APCDD1: variants seen among roughly 807,000 people sequenced by gnomAD.
The protein encoded by APCDD1 is protein APCDD1.
APCDD1 carries 15 observed loss-of-function variants against 38.1 expected under a neutral mutation model. The observed-to-expected ratio is 0.39, with a 90% CI of 0.26 to 0.61. The LOEUF (loss-of-function observed/expected upper bound fraction) is 0.61. APCDD1 is among the 20% of genes least tolerant of loss of function. APCDD1 has a pLI of 0.49. For missense variants in APCDD1, 647 were observed against 696.2 expected, an observed-to-expected ratio of 0.93 and a Z score of 0.79; for synonymous variants, 261 against 279.7, an observed-to-expected ratio of 0.93 and a Z score of 0.67.
rs2143547395 is a variant in APCDD1, at chr18:10,476,893, GT to G, written c.774+4837del. 1 of 152,382 alleles carries G rather than the reference GT, an allele frequency of 6.6e-6. No homozygotes were observed. Among genetic ancestry groups the G allele is most frequent in the African/African-American group, 2.4e-5 (1 of 41,586 alleles). The allele number at this position is 152,382 out of a possible 1,614,324, so 9.4% of individuals were successfully genotyped here. On this transcript the variant is annotated intron_variant, in intron 3 of 4. Transcript: ENST00000355285. This position sits in a 1 kb window ranked among gnomAD's most constrained non-coding sequence, Gnocchi z 5.8. Reference sequence around the variant, plus strand: ...AGCCGCTAGGCTGGAGCCAGCATATGTTTTTGAGGTAGCTTGCCTCTCAGAG... The same window carrying G: ...AGCCGCTAGGCTGGAGCCAGCATATGTTTTGAGGTAGCTTGCCTCTCAGAG...
At chr18:10,483,095 G>A (rs1319634971) in intron 3 of APCDD1, among the ~76,000 whole-genome samples, 2 of 152,200 alleles carry the variant, frequency 1.3e-5, no homozygotes, top group African/African-American at 2.4e-5. Context: ...GTAAAAATGA[G>A]GAAGTTGAAA....
Position 10,454,843 on chromosome 18 carries a change from A to C in APCDD1, c.-139A>C. On this transcript the variant is annotated 5_prime_UTR_variant, in exon 1 of 5. An upstream start codon of the reference 5' UTR is lost. Transcript: ENST00000355285. ...CAGCCCCGCGCCTAGCCCGCCGGGC[A>C]TGGGGCGCGCGGCAGCCGCCTGAAG... 4.8e-6 allele frequency: 5 copies of C among 1,038,176 alleles called. No individual in the cohort carries two copies. The highest frequency in any genetic ancestry group is 5.8e-6 in the Non-Finnish European group (5 of 865,560). 64.3% of individuals were successfully genotyped at this position (1,038,176 alleles called of 1,614,324 possible).
chr18:10,454,664 G>A lies in APCDD1; in HGVS notation c.-318G>A. On this transcript the variant is annotated 5_prime_UTR_variant, in exon 1 of 5. Transcript: ENST00000355285. ...AGACGCTGCAGCTGCGGTGGCGGTGGCGGCCACTGCAGCTCAGAGCGGCGC... is the reference window on the plus strand; with the variant it reads ...AGACGCTGCAGCTGCGGTGGCGGTGACGGCCACTGCAGCTCAGAGCGGCGC... 1 of 1,030,042 alleles carries A rather than the reference G, an allele frequency of 9.7e-7. No individual in the cohort carries two copies. Among genetic ancestry groups the A allele is most frequent in the Non-Finnish European group, 1.2e-6 (1 of 860,746 alleles). 63.8% of individuals were successfully genotyped at this position (1,030,042 alleles called of 1,614,324 possible). A position where few individuals can be genotyped will look rare whatever the true frequency, so the allele number is the denominator to read the frequency against.
chr18:10,477,298 C>T (rs943237497), intron 3 of APCDD1: 5 of 152,172 alleles, frequency 3.3e-5, no homozygotes, highest in Non-Finnish European at 7.3e-5. Context: ...TCCCTGGAGC[C>T]AGGTGTTTCC....
chr18:10,463,138 C>T (rs1228318576), intron 1 of APCDD1, among the ~76,000 whole-genome samples: 1 of 151,936 alleles, frequency 6.6e-6, no homozygotes, highest in Admixed American at 6.5e-5. Flanking sequence ...ATCTCTCACT[C>T]CTGCCCCCCA....
intron 3 of APCDD1, among the ~76,000 whole-genome samples, chr18:10,481,399 AC>A (rs1403234740): frequency 1.3e-5 from 2 of 152,204 alleles, no homozygotes; most frequent in Non-Finnish European, 2.9e-5. Flanking sequence ...CATCGATAAA[AC>A]TTGAGGAGCT....
intron 3 of APCDD1, among the ~76,000 whole-genome samples, chr18:10,482,790 C>A (rs1776349940): frequency 6.6e-6 from 1 of 152,138 alleles, no homozygotes; most frequent in African/African-American, 2.4e-5. Flanking sequence ...TACTAACTTT[C>A]CATCCTGTGT....
chr18:10,474,790 TC>T (rs1331450996), intron 3 of APCDD1, among the ~76,000 whole-genome samples: 1 of 152,166 alleles, frequency 6.6e-6, no homozygotes, highest in East Asian at 1.9e-4. Flanking sequence ...CCCGTCAATG[TC>T]CCTCTGCAGA....
In APCDD1 at chr18:10,481,853, C is replaced by T. The variant is rs146137291; in HGVS notation, c.775-3609C>T. 1.9e-3 allele frequency among the ~76,000 whole-genome samples: 293 copies of T among 152,174 alleles called. 1 individual carries two copies. The highest frequency in any genetic ancestry group is 0.015 in the East Asian group (78 of 5,170). ...AAAAAACAAACAAAAACACAAAAACCGTGCCTGGCCTGCTTTTCTCTGCTA... is the reference window on the plus strand; with the variant it reads ...AAAAAACAAACAAAAACACAAAAACTGTGCCTGGCCTGCTTTTCTCTGCTA... On this transcript the variant is annotated intron_variant, in intron 3 of 4. Coordinates refer to ENST00000355285, the MANE Select transcript of APCDD1 (RefSeq NM_153000.5).
In APCDD1 at chr18:10,488,266, A is replaced by C. The variant is rs1456283789; in HGVS notation, c.*228A>C. On this transcript the variant is annotated 3_prime_UTR_variant, in exon 5 of 5. Coordinates refer to ENST00000355285, the MANE Select transcript of APCDD1 (RefSeq NM_153000.5). ...TGATCCCTGGCCTGAGCAACTTCAC[A>C]ACAGTAATTGCACTTTAAGACAGCC... 1.7e-6 allele frequency: 1 copy of C among 597,590 alleles called. No homozygotes were observed. The highest frequency in any genetic ancestry group is 2.9e-6 in the Non-Finnish European group (1 of 340,884). 37.0% of individuals were successfully genotyped at this position (597,590 alleles called of 1,614,324 possible). A position where few individuals can be genotyped will look rare whatever the true frequency, so the allele number is the denominator to read the frequency against.
chr18:10,478,739 G>C (rs2031065737), intron 3 of APCDD1, among the ~76,000 whole-genome samples: 2 of 152,204 alleles, frequency 1.3e-5, no homozygotes, highest in African/African-American at 4.8e-5. Context: ...CATTCAGTGT[G>C]TTGGATAGAC....
chr18:10,458,374 T>C (rs2143505625), intron 1 of APCDD1, among the ~76,000 whole-genome samples: 1 of 152,370 alleles, frequency 6.6e-6, no homozygotes, highest in Admixed American at 6.5e-5. Flanking sequence ...ACCGACATAA[T>C]GTGAGGAAAC....
chr18:10,458,283 G>C (rs930353301), intron 1 of APCDD1, among the ~76,000 whole-genome samples: 7 of 152,166 alleles, frequency 4.6e-5, no homozygotes, highest in Non-Finnish European at 7.3e-5. Context: ...AGAGGTGAAG[G>C]CTCTTTCAGC....
Position 10,469,370 on chromosome 18 carries a change from T to C in APCDD1, c.242+718T>C, listed in dbSNP as rs1185360065. 2.0e-5 allele frequency among the ~76,000 whole-genome samples: 3 copies of C among 152,146 alleles called. No homozygotes were observed. Among genetic ancestry groups the C allele is most frequent in the Non-Finnish European group, 2.9e-5 (2 of 68,030 alleles). On this transcript the variant is annotated intron_variant, in intron 2 of 4. Coordinates refer to ENST00000355285, the MANE Select transcript of APCDD1 (RefSeq NM_153000.5). The surrounding 1 kb of genome is among the most constrained non-coding windows in gnomAD (Gnocchi z 5.5). ...AATATGGAGAAGAGAAAAAAAGAAA[T>C]TGTATAAGATGATGAAGACCCAGAA...
chr18:10,465,107 A>G (rs1157344781), intron 1 of APCDD1, among the ~76,000 whole-genome samples: 2 of 152,194 alleles, frequency 1.3e-5, no homozygotes, highest in African/African-American at 2.4e-5. Context: ...GTTTAAGGTC[A>G]CTGCGCTAAT....
chr18:10,481,003 C>A lies in APCDD1; in HGVS notation c.775-4459C>A, dbSNP rs562261754. Among the ~76,000 whole-genome samples, 5 of 152,048 alleles carry A rather than the reference C, an allele frequency of 3.3e-5. No individual in the cohort carries two copies. The South Asian group carries it at 1.0e-3, about 32-fold the overall frequency. The stretch of plus-strand genomic sequence containing the variant: ...AGACCACAATGAGCTATCAGTTTAC[C>A]CAGTAGGATGGCTATTACAAAATAC... On this transcript the variant is annotated intron_variant, in intron 3 of 4. Transcript: ENST00000355285.
intron 3 of APCDD1, among the ~76,000 whole-genome samples, chr18:10,473,112 T>A (rs1388984706): frequency 2.6e-5 from 4 of 152,270 alleles, no homozygotes; most frequent in African/African-American, 4.8e-5. Context: ...CTTCATTTTT[T>A]AAAAATCTTT....
At chr18:10,460,706 T>C (rs2030519031) in intron 1 of APCDD1, among the ~76,000 whole-genome samples, 1 of 152,208 alleles carries the variant, frequency 6.6e-6, no homozygotes, top group Non-Finnish European at 1.5e-5. Context: ...AATGAATGAA[T>C]ATTGACTTGC....
In APCDD1 at chr18:10,469,621, C is replaced by T. The variant is rs1437885691; in HGVS notation, c.242+969C>T. On this transcript the variant is annotated intron_variant, in intron 2 of 4. Transcript: ENST00000355285. This position sits in a 1 kb window ranked among gnomAD's most constrained non-coding sequence, Gnocchi z 5.5. ...TTTATAAGTAAATACACAAGAAGTACTATGAAAGTGGAGGGGTTGGGGCAG... is the reference window on the plus strand; with the variant it reads ...TTTATAAGTAAATACACAAGAAGTATTATGAAAGTGGAGGGGTTGGGGCAG... 6.6e-6 allele frequency among the ~76,000 whole-genome samples: 1 copy of T among 152,090 alleles called. No homozygotes were observed. Among genetic ancestry groups the T allele is most frequent in the South Asian group, 2.1e-4 (1 of 4,834 alleles).
Sources: allele counts gnomAD v4.1 joint callset (sites outside exome capture counted in the v4.1 genomes callset), GRCh38; gene constraint gnomAD v4.1.1; non-coding constraint Gnocchi (gnomAD v3.1); transcripts MANE v1.5; gene names NCBI Gene and HGNC (gene_info 2026-07-23, HGNC 2026-07-21).